The following TMEM72 variants were observed in gnomAD, a reference collection of about 807,000 sequenced individuals.
The protein encoded by TMEM72 is transmembrane protein 72, also known as kidney-specific secretory protein of 37 kDa.
In TMEM72, 9 loss-of-function variants were observed where a neutral mutation model predicts 16.3. The ratio of observed to expected loss-of-function variants is 0.55; its 90% CI spans 0.33 to 0.96. TMEM72 has a LOEUF of 0.96. Ranked by LOEUF, TMEM72 falls within the 40% of genes least tolerant of loss-of-function variation. The pLI, the probability that TMEM72 is intolerant of heterozygous loss-of-function variation, is 0.03. For synonymous variants in TMEM72, 160 were observed against 146.5 expected, an observed-to-expected ratio of 1.09 and a Z score of -0.66; for missense variants, 324 against 337.8, an observed-to-expected ratio of 0.96 and a Z score of 0.32.
chr10:44,934,564 G>A, intron 4 of TMEM72, 92 bp from the exon 5 acceptor site: 2 of 1,307,102 alleles, frequency 1.5e-6, no homozygotes, highest in Non-Finnish European at 2.1e-6. Context: ...CACAGCGCCG[G>A]GTTGCAGGAG....
At chr10:44,933,916 G>T in intron 4 of TMEM72, 140 bp downstream of exon 4, 2 of 1,110,112 alleles carry the variant, frequency 1.8e-6, no homozygotes, top group Non-Finnish European at 2.5e-6. Flanking sequence ...CTAGAGGGTG[G>T]ACATGAGGAA....
Position 44,935,125 on chromosome 10 carries a change from C to A in TMEM72, c.819C>A (p.Gly273=). 1 of 1,591,852 alleles carries A rather than the reference C, an allele frequency of 6.3e-7. No homozygotes were observed. The highest frequency in any genetic ancestry group is 2.2e-5 in the East Asian group (1 of 44,670). The change falls in exon 5 of 5, where the codon GGC becomes GGA. Residue 273 remains glycine (G), a synonymous_variant. Transcript: ENST00000389583. Reference sequence around the variant, plus strand: ...TCCTGTCATCTCTTACAGCCACCGGCCTGTTCTGAGCGCTTGCTCCAGCCT... The same window carrying A: ...TCCTGTCATCTCTTACAGCCACCGGACTGTTCTGAGCGCTTGCTCCAGCCT... ...PLFLSSLTAT[G]LF
rs1332099450 is a variant in TMEM72, at chr10:44,936,167, A to G, written c.*1033A>G. 1 of 152,214 alleles carries G rather than the reference A, an allele frequency of 6.6e-6. No individual in the cohort carries two copies. The highest frequency in any genetic ancestry group is 2.4e-5 in the African/African-American group (1 of 41,456). The allele number at this position is 152,214 out of a possible 1,614,324, so 9.4% of individuals were successfully genotyped here. ...ATCTGAATCAGATATTCCTTTGTAA[A>G]TCTGTAAAGGATTTGCAATATAGGC... On this transcript the variant is annotated 3_prime_UTR_variant, in exon 5 of 5. Coordinates refer to ENST00000389583, the MANE Select transcript of TMEM72 (RefSeq NM_001123376.3).
In TMEM72 at chr10:44,934,743, C is replaced by T. The variant is rs756905966; in HGVS notation, c.437C>T (p.Pro146Leu). 5 of 1,613,488 alleles carry T rather than the reference C, an allele frequency of 3.1e-6. No homozygotes were observed. ...RKAAPEVLAS[P>L]EQYTDPSSSA... The stretch of plus-strand genomic sequence containing the variant: ...GCTGCCCCCGAGGTGCTGGCCTCCC[C>T]AGAGCAGTACACAGACCCCTCTAGC... Residue 146 changes from proline (P) to leucine (L), a missense_variant, in exon 5 of 5, where the codon CCA becomes CTA. Physicochemically the swap from Pro to Leu is moderately conservative, Grantham distance 98. Coordinates refer to ENST00000389583, the MANE Select transcript of TMEM72 (RefSeq NM_001123376.3).
intron 1 of TMEM72, among the ~76,000 whole-genome samples, chr10:44,911,884 C>T (rs1839943087): frequency 1.3e-5 from 2 of 152,312 alleles, no homozygotes; most frequent in South Asian, 2.1e-4. Flanking sequence ...ACCCCACCTA[C>T]GCAGAGAGTT....
At chr10:44,927,653 G>A (rs1469615460) in intron 1 of TMEM72, among the ~76,000 whole-genome samples, 4 of 152,270 alleles carry the variant, frequency 2.6e-5, no homozygotes, top group Non-Finnish European at 5.9e-5. Flanking sequence ...AGTGTGGGCA[G>A]TTGCTGGGGG....
intron 1 of TMEM72, among the ~76,000 whole-genome samples, chr10:44,916,066 G>A (rs540242141): frequency 2.2e-4 from 33 of 152,286 alleles, no homozygotes; most frequent in Non-Finnish European, 5.9e-5. Context: ...AGAACATTGA[G>A]GTAACCTGGC....
chr10:44,913,948 G>A (rs1311819715), intron 1 of TMEM72, among the ~76,000 whole-genome samples: 4 of 152,172 alleles, frequency 2.6e-5, no homozygotes, highest in Non-Finnish European at 5.9e-5. Context: ...GAAGACATGT[G>A]ACCCAAGGGC....
chr10:44,932,142 G>A, intron 3 of TMEM72, 73 bp downstream of exon 3: 1 of 1,519,968 alleles, frequency 6.6e-7, no homozygotes, highest in Non-Finnish European at 9.0e-7. Flanking sequence ...CCACCCAAGA[G>A]CCCACAACCA....
chr10:44,927,545 C>T (rs1840215884), intron 1 of TMEM72, among the ~76,000 whole-genome samples: 1 of 152,232 alleles, frequency 6.6e-6, no homozygotes, highest in Non-Finnish European at 1.5e-5. Context: ...CAGGACCCAT[C>T]CACGGCCAAG....
chr10:44,915,394 T>A (rs930800597), intron 1 of TMEM72, among the ~76,000 whole-genome samples: 3 of 152,166 alleles, frequency 2.0e-5, no homozygotes, highest in African/African-American at 7.2e-5. Flanking sequence ...TTCATCCTCA[T>A]ACCCACTGTA....
intron 1 of TMEM72, among the ~76,000 whole-genome samples, chr10:44,926,173 A>T (rs1840188918): frequency 6.6e-6 from 1 of 152,070 alleles, no homozygotes; most frequent in South Asian, 2.1e-4. Context: ...ATACACTCAC[A>T]CACTCACACA....
chr10:44,918,454 A>G (rs980770349), intron 1 of TMEM72, among the ~76,000 whole-genome samples: 3 of 152,174 alleles, frequency 2.0e-5, no homozygotes, highest in African/African-American at 7.2e-5. Context: ...AGAAATTTGA[A>G]AGGAGGCAAT....
chr10:44,915,071 C>G (rs1287828829), intron 1 of TMEM72, among the ~76,000 whole-genome samples: 1 of 152,174 alleles, frequency 6.6e-6, no homozygotes, highest in African/African-American at 2.4e-5. Flanking sequence ...GAAAGCCCTC[C>G]CCTCAGGCTG....
chr10:44,933,945 T>C (rs983085266), intron 4 of TMEM72, among the ~76,000 whole-genome samples, 169 bp downstream of exon 4: 2 of 152,164 alleles, frequency 1.3e-5, no homozygotes, highest in Non-Finnish European at 2.9e-5. Context: ...ATGCCAGACA[T>C]ACTCCATGCT....
chr10:44,928,636 A>T (rs369745150), intron 2 of TMEM72, among the ~76,000 whole-genome samples: 5 of 106,482 alleles, frequency 4.7e-5, no homozygotes, highest in South Asian at 6.3e-4. Context: ...ACATCCATCC[A>T]TCCATCCAAC....
intron 1 of TMEM72, among the ~76,000 whole-genome samples, chr10:44,912,876 C>T (rs946592135): frequency 2.6e-5 from 4 of 152,204 alleles, no homozygotes; most frequent in African/African-American, 9.6e-5. Context: ...TAACCCCACC[C>T]CTCCTGCTAC....
intron 2 of TMEM72, among the ~76,000 whole-genome samples, chr10:44,930,002 C>T (rs1043900871): frequency 6.6e-6 from 1 of 152,254 alleles, no homozygotes; most frequent in African/African-American, 2.4e-5. Context: ...CAGAAGCAGG[C>T]GGGCCTTCCT....
intron 1 of TMEM72, among the ~76,000 whole-genome samples, chr10:44,923,852 G>A (rs1840142079): frequency 6.6e-6 from 1 of 152,180 alleles, no homozygotes; most frequent in South Asian, 2.1e-4. Flanking sequence ...CACTCTTCTG[G>A]GCCTCTATGC....
Sources: allele counts gnomAD v4.1 joint callset (sites outside exome capture counted in the v4.1 genomes callset), GRCh38; gene constraint gnomAD v4.1.1; transcripts MANE v1.5; gene names NCBI Gene and HGNC (gene_info 2026-07-23, HGNC 2026-07-21).